Variants in PRR5 observed in about 807,000 individuals in gnomAD.
PRR5 encodes the protein proline rich 5.
In PRR5, 25 loss-of-function variants were observed where a neutral mutation model predicts 30.6. The ratio of observed to expected loss-of-function variants is 0.82; its 90% CI spans 0.60 to 1.14. The LOEUF is 1.14. Ranked by LOEUF, PRR5 falls within the 50% of genes most tolerant of loss-of-function variation. The pLI is 0.00. For missense variants in PRR5, 600 were observed against 547.1 expected (o/e 1.10, Z -0.96); for synonymous variants, 286 against 247.1 (o/e 1.16, Z -1.48).
chr22:44,695,772 T>G (rs939772805), intron 1 of PRR5, among the ~76,000 whole-genome samples: 57 of 151,978 alleles, frequency 3.8e-4, no homozygotes, highest in African/African-American at 1.3e-3. Context: ...CTAATTTTTT[T>G]GTATTTTTAG....
At chr22:44,725,423 C>A in intron 3 of PRR5, 131 bp downstream of exon 3, 1 of 1,264,872 alleles carries the variant, frequency 7.9e-7, no homozygotes, top group Non-Finnish European at 1.1e-6. Context: ...AAGGACCTGC[C>A]TCGTTCCTTA....
intron 1 of PRR5, among the ~76,000 whole-genome samples, chr22:44,713,804 G>A (rs1032456608): frequency 2.0e-5 from 3 of 152,158 alleles, no homozygotes; most frequent in East Asian, 1.9e-4. Context: ...GTTTTGTTTC[G>A]TTTTCTTTTG....
At chr22:44,694,157 A>G (rs1185707577) in intron 1 of PRR5, among the ~76,000 whole-genome samples, 2 of 152,234 alleles carry the variant, frequency 1.3e-5, no homozygotes, top group African/African-American at 4.8e-5. Flanking sequence ...TTGTCAGAAC[A>G]GGAAGCTTCG....
Position 44,702,603 on chromosome 22 carries a change from G to T in PRR5, c.129G>T (p.Trp43Cys), listed in dbSNP as rs1269178875. The change falls in exon 1 of 8, where the codon TGG becomes TGT. Residue 43 changes from tryptophan to cysteine, a missense_variant. Transcript: ENST00000336985. ...GCCGGGCCTGCGCCAACGCCACCTG[G>T]AACAGGTAAGGCCGCGCCCTCCCGG... The part of the protein sequence containing the change: ...QQRRACANAT[W>C]NSIHNGVIAV... 2.2e-6 allele frequency: 3 copies of T among 1,364,222 alleles called. No homozygotes were observed. Among genetic ancestry groups the T allele is most frequent in the Admixed American group, 3.8e-5 (1 of 26,452 alleles). 84.5% of individuals were successfully genotyped at this position (1,364,222 alleles called of 1,614,324 possible).
chr22:44,710,823 G>C (rs1928095758), intron 1 of PRR5, among the ~76,000 whole-genome samples: 1 of 152,170 alleles, frequency 6.6e-6, no homozygotes, highest in African/African-American at 2.4e-5. Context: ...CCCAGGCTGG[G>C]TGTGGCCAAG....
At chr22:44,678,681 T>C (rs1025514489) in intron 1 of PRR5, among the ~76,000 whole-genome samples, 14 of 152,180 alleles carry the variant, frequency 9.2e-5, no homozygotes, top group African/African-American at 2.7e-4. Flanking sequence ...TGCCTCCTGT[T>C]CACCGCAGGC....
chr22:44,671,772 G>T (rs983136038), intron 1 of PRR5, among the ~76,000 whole-genome samples: 1 of 152,164 alleles, frequency 6.6e-6, no homozygotes. Context: ...AGGAGGTCTT[G>T]GCAAGTTACT....
At position 44,732,233 on chromosome 22, in the gene PRR5, G is replaced by C. The variant is rs749859021; in HGVS notation, c.415-18G>C. The C allele has an allele frequency of 1.2e-6, 2 of 1,608,950 alleles. No homozygotes were observed. The highest frequency in any genetic ancestry group is 2.2e-5 in the South Asian group (2 of 90,950). On this transcript the variant is annotated intron_variant, in intron 5 of 7. Coordinates refer to ENST00000336985, the MANE Select transcript of PRR5 (RefSeq NM_181333.4). ...CATGTGACCACAGCCGGTGGGGTGG[G>C]GTGCCTTCCGTCCACAGGGCAAGGA...
At chr22:44,700,770 A>G (rs1272500800), upstream of PRR5, among the ~76,000 whole-genome samples, 2 of 152,222 alleles carry the variant, frequency 1.3e-5, no homozygotes, top group Non-Finnish European at 2.9e-5. Context: ...TCTGTCTCCC[A>G]AAGACGATGG....
chr22:44,725,307 C>G lies in PRR5; in HGVS notation c.264+15C>G, dbSNP rs1344988353. 1.2e-6 allele frequency: 2 copies of G among 1,612,526 alleles called. No homozygotes were observed. The highest frequency in any genetic ancestry group is 1.3e-5 in the African/African-American group (1 of 74,930). On this transcript the variant is annotated intron_variant, in intron 3 of 7. Transcript: ENST00000336985. Reference sequence around the variant, plus strand: ...AGTACCTGCAGGTAGGTGGGTCTTGCTCCAGCCAGGCTGGGCCTGCCTCAT... The same window carrying G: ...AGTACCTGCAGGTAGGTGGGTCTTGGTCCAGCCAGGCTGGGCCTGCCTCAT...
chr22:44,726,132 G>C (rs1394210527), intron 3 of PRR5, among the ~76,000 whole-genome samples: 1 of 152,202 alleles, frequency 6.6e-6, no homozygotes, highest in Non-Finnish European at 1.5e-5. Context: ...CGGGTGCTTG[G>C]GTTGCTGAGA....
chr22:44,726,547 C>T (rs369715266), intron 3 of PRR5, 30 bp from the exon 4 acceptor site: 60 of 1,613,782 alleles, frequency 3.7e-5, no homozygotes, highest in South Asian at 2.4e-4. Flanking sequence ...TCCACAAGGG[C>T]GGTGACAGCC....
At chr22:44,708,884 T>G (rs528061822) in intron 1 of PRR5, among the ~76,000 whole-genome samples, 1 of 148,620 alleles carries the variant, frequency 6.7e-6, no homozygotes, top group East Asian at 2.0e-4. Context: ...GGAGAATCAC[T>G]TGAACCTGGG....
chr22:44,706,682 C>T (rs11914106), intron 1 of PRR5, among the ~76,000 whole-genome samples: 13,546 of 152,042 alleles, frequency 0.089, 950 homozygotes, highest in African/African-American at 0.2. Flanking sequence ...GCCATCACAC[C>T]GGCTAATTTT....
In PRR5 at chr22:44,732,241, C is replaced by T. The variant is rs1235387028; in HGVS notation, c.415-10C>T. On this transcript the variant is annotated splice_polypyrimidine_tract_variant and intron_variant, in intron 5 of 7. Coordinates refer to ENST00000336985, the MANE Select transcript of PRR5 (RefSeq NM_181333.4). The stretch of plus-strand genomic sequence containing the variant: ...CACAGCCGGTGGGGTGGGGTGCCTT[C>T]CGTCCACAGGGCAAGGAGCCATCGG... The T allele has an allele frequency of 1.9e-6, 3 of 1,610,062 alleles. No homozygotes were observed. The highest frequency in any genetic ancestry group is 1.1e-5 in the South Asian group (1 of 90,972).
At chr22:44,727,711 T>C (rs1921106584) in intron 4 of PRR5, among the ~76,000 whole-genome samples, 1 of 152,102 alleles carries the variant, frequency 6.6e-6, no homozygotes. Context: ...GAAAAAGAGC[T>C]ACTAGCCCAC....
chr22:44,719,644 T>TG (rs1224608905), intron 2 of PRR5, among the ~76,000 whole-genome samples: 5 of 152,198 alleles, frequency 3.3e-5, no homozygotes, highest in Non-Finnish European at 5.9e-5. Flanking sequence ...GGTGTCTGTC[T>TG]GGGGCAGTCT....
At chr22:44,729,590 C>A (rs1921539985) in intron 4 of PRR5, 1 of 985,298 alleles carries the variant, frequency 1.0e-6, no homozygotes, top group African/African-American at 1.7e-5. Context: ...ATAGAGGATG[C>A]CACTGAGTCC....
At chr22:44,702,092 C>A, upstream of PRR5, 1 of 203,518 alleles carries the variant, frequency 4.9e-6, no homozygotes, top group Non-Finnish European at 8.9e-6. Flanking sequence ...GCCTCTTGCA[C>A]ACGCCCCCTC....
Sources: allele counts gnomAD v4.1 joint callset (sites outside exome capture counted in the v4.1 genomes callset), GRCh38; gene constraint gnomAD v4.1.1; transcripts MANE v1.5; gene names NCBI Gene and HGNC (gene_info 2026-07-23, HGNC 2026-07-21).